GPC6: variants seen among roughly 807,000 people sequenced by gnomAD.
The protein encoded by GPC6 is glypican 6, also known as glypican-6.
GPC6 carries 14 observed loss-of-function variants against 55.2 expected under a neutral mutation model. The ratio of observed to expected loss-of-function variants is 0.25; its 90% CI spans 0.17 to 0.40. GPC6 has a LOEUF of 0.40. Among genes scored for constraint, GPC6 ranks in the 10% least tolerant of loss-of-function variants. The pLI is 1.00. For synonymous variants in GPC6, 278 were observed against 259.6 expected (o/e 1.07, Z -0.68); for missense variants, 641 against 708.5 (o/e 0.90, Z 1.08).
intron 2 of GPC6, among the ~76,000 whole-genome samples, chr13:93,690,239 C>T (rs1020517300): frequency 5.9e-5 from 9 of 151,902 alleles, no homozygotes; most frequent in Non-Finnish European, 7.4e-5. Flanking sequence ...ATATAATTGA[C>T]CTGGGTAATA....
At chr13:93,502,094 A>G (rs1049606744) in intron 1 of GPC6, among the ~76,000 whole-genome samples, 2 of 152,136 alleles carry the variant, frequency 1.3e-5, no homozygotes, top group East Asian at 1.9e-4. Context: ...GGCTTTCTGT[A>G]TATCTAGTTC....
At chr13:93,538,415 A>C (rs749631386) in intron 1 of GPC6, among the ~76,000 whole-genome samples, 2 of 152,152 alleles carry the variant, frequency 1.3e-5, no homozygotes, top group Non-Finnish European at 2.9e-5. Context: ...GGAGTAAGAA[A>C]CCTAGAGAGA....
chr13:93,305,294 T>C (rs2139100058), intron 1 of GPC6, among the ~76,000 whole-genome samples: 1 of 152,290 alleles, frequency 6.6e-6, no homozygotes, highest in East Asian at 1.9e-4. Context: ...TTGTAAAACT[T>C]CTCTAGTGAT....
At chr13:93,513,194 A>G (rs1014749150) in intron 1 of GPC6, among the ~76,000 whole-genome samples, 2 of 152,206 alleles carry the variant, frequency 1.3e-5, no homozygotes, top group African/African-American at 4.8e-5. Context: ...CACTTTGTGT[A>G]GTAGTTTCCA....
intron 4 of GPC6, among the ~76,000 whole-genome samples, chr13:94,034,810 G>A (rs1286088725): frequency 1.3e-5 from 2 of 151,646 alleles, no homozygotes; most frequent in Non-Finnish European, 1.5e-5. Context: ...AATAATATTG[G>A]CACAAAGCAA....
At chr13:94,289,469 T>C (rs1455750553) in intron 5 of GPC6, among the ~76,000 whole-genome samples, 1 of 152,158 alleles carries the variant, frequency 6.6e-6, no homozygotes, top group African/African-American at 2.4e-5. Flanking sequence ...TAAAAAATGT[T>C]ATTTCTGAGA....
intron 2 of GPC6, among the ~76,000 whole-genome samples, chr13:93,810,502 G>A (rs1041287670): frequency 6.8e-4 from 103 of 152,280 alleles, no homozygotes; most frequent in African/African-American, 2.4e-3. Flanking sequence ...TGACCATATG[G>A]CTGCTTTGAA....
At chr13:93,612,500 AAC>A (rs3138575) in intron 2 of GPC6, among the ~76,000 whole-genome samples, 26,464 of 139,108 alleles carry the variant, frequency 0.19, 2,520 homozygotes, top group East Asian at 0.41. Flanking sequence ...CTCCGTCTAA[AAC>A]ACACACACAC....
At chr13:93,569,251 C>T (rs1876284121) in intron 2 of GPC6, among the ~76,000 whole-genome samples, 1 of 151,932 alleles carries the variant, frequency 6.6e-6, no homozygotes. Flanking sequence ...CACTAGTCAA[C>T]AATAAAAAAG....
chr13:93,981,106 T>C (rs1238238656), intron 3 of GPC6, among the ~76,000 whole-genome samples: 3 of 152,188 alleles, frequency 2.0e-5, no homozygotes, highest in Non-Finnish European at 2.9e-5. Context: ...CTAAGAGATA[T>C]CTGAATTTTT....
intron 6 of GPC6, among the ~76,000 whole-genome samples, chr13:94,363,081 C>G (rs945676567): frequency 6.6e-6 from 1 of 152,052 alleles, no homozygotes; most frequent in African/African-American, 2.4e-5. Flanking sequence ...TGATGTTGCC[C>G]TTCCCGTGTC....
At chr13:94,079,105 T>C (rs1015569204) in intron 4 of GPC6, among the ~76,000 whole-genome samples, 1 of 152,104 alleles carries the variant, frequency 6.6e-6, no homozygotes, top group Non-Finnish European at 1.5e-5. Flanking sequence ...CATCTATTTA[T>C]GTAACATTTA....
intron 3 of GPC6, among the ~76,000 whole-genome samples, chr13:93,841,025 G>A (rs540710046): frequency 6.6e-6 from 1 of 152,272 alleles, no homozygotes; most frequent in South Asian, 2.1e-4. Flanking sequence ...TGCACAGCAG[G>A]CACACTGTAA....
At chr13:94,364,821 C>G (rs945421117) in intron 6 of GPC6, among the ~76,000 whole-genome samples, 3 of 152,064 alleles carry the variant, frequency 2.0e-5, no homozygotes, top group African/African-American at 4.8e-5. Context: ...AGACCCTAAG[C>G]AACCAATTAT....
intron 4 of GPC6, among the ~76,000 whole-genome samples, chr13:94,220,963 C>T (rs1262312974): frequency 9.2e-5 from 14 of 152,012 alleles, no homozygotes; most frequent in Admixed American, 7.2e-4. Context: ...TAATTCAAGC[C>T]ATAACAGACT....
intron 3 of GPC6, among the ~76,000 whole-genome samples, chr13:93,857,995 G>T (rs939176481): frequency 1.3e-5 from 2 of 151,344 alleles, no homozygotes; most frequent in African/African-American, 4.8e-5. Context: ...ATAAATTGCT[G>T]CTAACATACA....
chr13:93,612,672 G>A (rs78999508), intron 2 of GPC6, among the ~76,000 whole-genome samples: 3,061 of 152,212 alleles, frequency 0.02, 107 homozygotes, highest in African/African-American at 0.07. Flanking sequence ...AGTAAATTAG[G>A]AAGTGCAAAA....
chr13:93,812,928 A>G (rs74108848), intron 2 of GPC6, among the ~76,000 whole-genome samples: 244 of 152,266 alleles, frequency 1.6e-3, no homozygotes, highest in African/African-American at 5.8e-3. Context: ...GATAAAGCCA[A>G]GAGAATAAGG....
At chr13:93,406,848 A>C (rs979453849) in intron 1 of GPC6, among the ~76,000 whole-genome samples, 1 of 152,200 alleles carries the variant, frequency 6.6e-6, no homozygotes, top group African/African-American at 2.4e-5. Context: ...GAAACAGCTA[A>C]CCTGAAATAT....
Sources: gnomAD v4.1 joint callset for allele counts (sites outside exome capture counted in the v4.1 genomes callset) on GRCh38, gnomAD v4.1.1 for gene constraint, MANE v1.5 for transcripts, NCBI Gene and HGNC (gene_info 2026-07-23, HGNC 2026-07-21) for gene names.